The following UMAD1 variants were observed in gnomAD, a reference collection of about 807,000 sequenced individuals.
The protein encoded by UMAD1 is UBAP1-MVB12-associated (UMA) domain containing 1.
Under a neutral mutation model 6.1 loss-of-function variants are expected in UMAD1, and 8 were observed. The observed-to-expected ratio is 1.30, with a 90% CI of 0.76 to 2.35. The LOEUF is 2.35. Among genes scored for constraint, UMAD1 ranks in the 30% most tolerant of loss-of-function variants. The probability of loss-of-function intolerance (pLI) is 0.00; values close to 1 mark genes in which losing one functional copy is unlikely to be tolerated. For synonymous variants in UMAD1, 56 were observed against 31.4 expected (o/e 1.78, Z -2.61); for missense variants, 130 against 78.4 (o/e 1.66, Z -2.49).
chr7:7,849,792 T>C (rs1015103516), intron 3 of UMAD1, among the ~76,000 whole-genome samples: 52 of 110,460 alleles, frequency 4.7e-4, no homozygotes, highest in African/African-American at 2.4e-3. Context: ...GAAACAGCAG[T>C]GTAGAGAATG....
chr7:7,753,464 A>G (rs1230787236), intron 2 of UMAD1, among the ~76,000 whole-genome samples: 1 of 151,908 alleles, frequency 6.6e-6, no homozygotes. Context: ...TCTACTCTCT[A>G]TTTCCATAAG....
At chr7:7,764,841 G>T (rs1285472259) in intron 2 of UMAD1, among the ~76,000 whole-genome samples, 2 of 151,944 alleles carry the variant, frequency 1.3e-5, no homozygotes, top group African/African-American at 4.8e-5. Flanking sequence ...GAATTTCTTT[G>T]ACTGCTTTAC....
intron 2 of UMAD1, among the ~76,000 whole-genome samples, chr7:7,783,903 A>G (rs1029453832): frequency 6.6e-6 from 1 of 152,228 alleles, no homozygotes; most frequent in African/African-American, 2.4e-5. Flanking sequence ...TGTCTACTCT[A>G]ATTCAGTACA....
At chr7:7,740,993 T>C (rs1209246054) in intron 2 of UMAD1, 1 of 152,236 alleles carries the variant, frequency 6.6e-6, no homozygotes, top group Non-Finnish European at 1.5e-5. Flanking sequence ...TCTGTTAATG[T>C]TGAAATTAGG....
intron 2 of UMAD1, among the ~76,000 whole-genome samples, chr7:7,773,798 G>C (rs150615905): frequency 8.0e-4 from 122 of 152,260 alleles, no homozygotes; most frequent in African/African-American, 2.8e-3. Flanking sequence ...GGGGAATTTG[G>C]AAGGCTGGTT....
At position 7,799,163 on chromosome 7, in the gene UMAD1, T is replaced by G. The variant is rs538645813; in HGVS notation, c.83-2507T>G. ...TGAATTTTTACCATAATAAAATAAT[T>G]CTTCAAGGGGTGGAAAAAAAACTTC... is the stretch of plus-strand genomic sequence containing the variant. On this transcript the variant is annotated intron_variant, in intron 2 of 3. Coordinates refer to ENST00000682710, the MANE Select transcript of UMAD1 (RefSeq NM_001302348.2). Among the ~76,000 whole-genome samples the G allele has an allele frequency of 1.1e-3, 167 of 152,342 alleles. 1 individual carries two copies. Among genetic ancestry groups the G allele is most frequent in the African/African-American group, 3.9e-3 (161 of 41,578 alleles).
chr7:7,818,545 G>T (rs1196234013), intron 3 of UMAD1, among the ~76,000 whole-genome samples: 1 of 152,202 alleles, frequency 6.6e-6, no homozygotes, highest in Non-Finnish European at 1.5e-5. Flanking sequence ...GGAGAAAAGA[G>T]AATGCTTATA....
At chr7:7,840,186 T>C (rs544772858) in intron 3 of UMAD1, among the ~76,000 whole-genome samples, 1 of 152,240 alleles carries the variant, frequency 6.6e-6, no homozygotes, top group Admixed American at 6.5e-5. Context: ...AATAGGGTTC[T>C]GGGGTTAGTG....
At chr7:7,874,993 C>T (rs1446740184) in intron 3 of UMAD1, among the ~76,000 whole-genome samples, 30 of 152,192 alleles carry the variant, frequency 2.0e-4, no homozygotes, top group Admixed American at 1.5e-3. Context: ...AGGCTGGTCT[C>T]GAACTCCCGA....
At chr7:7,854,911 T>C (rs777220844) in intron 3 of UMAD1, among the ~76,000 whole-genome samples, 13 of 152,178 alleles carry the variant, frequency 8.5e-5, no homozygotes, top group Non-Finnish European at 1.8e-4. Context: ...ATTGGGTAGA[T>C]ATACTTGTCC....
chr7:7,812,846 G>A (rs1346267864), intron 3 of UMAD1, among the ~76,000 whole-genome samples: 1 of 148,898 alleles, frequency 6.7e-6, no homozygotes, highest in Non-Finnish European at 1.5e-5. Context: ...GTGGCAAATG[G>A]TCCTTATTTT....
At chr7:7,855,676 T>A (rs1451101549) in intron 3 of UMAD1, among the ~76,000 whole-genome samples, 1 of 152,236 alleles carries the variant, frequency 6.6e-6, no homozygotes, top group African/African-American at 2.4e-5. Context: ...TGACATGCCC[T>A]GAAGACATTT....
intron 2 of UMAD1, among the ~76,000 whole-genome samples, chr7:7,708,352 T>C (rs954765475): frequency 6.6e-6 from 1 of 152,204 alleles, no homozygotes; most frequent in African/African-American, 2.4e-5. Flanking sequence ...ACAAAATTAT[T>C]GATTGCTCAG....
At chr7:7,853,296 A>G (rs1156708612) in intron 3 of UMAD1, among the ~76,000 whole-genome samples, 1 of 152,222 alleles carries the variant, frequency 6.6e-6, no homozygotes, top group East Asian at 1.9e-4. Flanking sequence ...TGTTTTGGCA[A>G]TTCTGGATTC....
intron 2 of UMAD1, among the ~76,000 whole-genome samples, chr7:7,787,238 T>A (rs1445549086): frequency 6.6e-6 from 1 of 152,092 alleles, no homozygotes; most frequent in Admixed American, 6.6e-5. Context: ...AATACAGGTT[T>A]AAAGTATATA....
chr7:7,744,922 AC>A (rs1413678126), intron 2 of UMAD1, among the ~76,000 whole-genome samples: 7 of 152,066 alleles, frequency 4.6e-5, no homozygotes, highest in Admixed American at 4.6e-4. Context: ...AGGGGCACTG[AC>A]CCCTGTGCAC....
rs78787109 is a variant in UMAD1 at position 7,732,504 on chromosome 7, A to G, written c.82+59051A>G. Among the ~76,000 whole-genome samples, 794 of 152,306 alleles carry G rather than the reference A, an allele frequency of 5.2e-3. 6 individuals carry two copies. Among genetic ancestry groups the G allele is most frequent in the African/African-American group, 0.018 (758 of 41,566 alleles). On this transcript the variant is annotated intron_variant, in intron 2 of 3. Transcript: ENST00000682710. ...TTTGTTGTATTTATGACAGAAAAAAATTAAAAATGACTTAAATCAGTGTGC... is the reference window on the plus strand; with the variant it reads ...TTTGTTGTATTTATGACAGAAAAAAGTTAAAAATGACTTAAATCAGTGTGC...
At chr7:7,759,170 T>G (rs1411512474) in intron 2 of UMAD1, among the ~76,000 whole-genome samples, 1 of 152,182 alleles carries the variant, frequency 6.6e-6, no homozygotes, top group Non-Finnish European at 1.5e-5. Flanking sequence ...TACTCTGACA[T>G]GAGAAACTTC....
At chr7:7,781,835 A>T (rs1782351689) in intron 2 of UMAD1, among the ~76,000 whole-genome samples, 1 of 150,882 alleles carries the variant, frequency 6.6e-6, no homozygotes, top group South Asian at 2.1e-4. Flanking sequence ...AGAAATTAAT[A>T]TGTAGAATAA....
Sources: gnomAD v4.1 joint callset for allele counts (sites outside exome capture counted in the v4.1 genomes callset) on GRCh38, gnomAD v4.1.1 for gene constraint, MANE v1.5 for transcripts, NCBI Gene and HGNC (gene_info 2026-07-23, HGNC 2026-07-21) for gene names.